Variants in CAP2 observed in about 807,000 individuals in gnomAD.
The protein encoded by CAP2 is cyclase associated actin cytoskeleton regulatory protein 2.
CAP2 carries 24 observed loss-of-function variants against 57.7 expected under a neutral mutation model. The ratio of observed to expected loss-of-function variants is 0.42; its 90% CI spans 0.30 to 0.58. The LOEUF (loss-of-function observed/expected upper bound fraction) is 0.58. Ranked by LOEUF, CAP2 falls within the 20% of genes least tolerant of loss-of-function variation. The probability of loss-of-function intolerance (pLI) is 0.22; values close to 1 mark genes in which losing one functional copy is unlikely to be tolerated. For missense variants in CAP2, 501 were observed against 590.3 expected, an observed-to-expected ratio of 0.85 and a Z score of 1.57; for synonymous variants, 194 against 207.2, an observed-to-expected ratio of 0.94 and a Z score of 0.55.
At chr6:17,475,248 G>C (rs1233744247) in intron 4 of CAP2, among the ~76,000 whole-genome samples, 1 of 152,072 alleles carries the variant, frequency 6.6e-6, no homozygotes, top group African/African-American at 2.4e-5. Flanking sequence ...GTGGTTCAGG[G>C]AAGGGAACTG....
chr6:17,498,982 G>T (rs1761734381), intron 4 of CAP2, among the ~76,000 whole-genome samples: 1 of 151,910 alleles, frequency 6.6e-6, no homozygotes, highest in African/African-American at 2.4e-5. Context: ...GCCCTCCTCG[G>T]CCTCCCAAAG....
intron 3 of CAP2, among the ~76,000 whole-genome samples, chr6:17,451,243 AT>A (rs942697303): frequency 5.6e-4 from 76 of 135,276 alleles, no homozygotes; most frequent in African/African-American, 1.7e-3. Flanking sequence ...AAAAAAAAAA[AT>A]AATAATAATA....
intron 4 of CAP2, among the ~76,000 whole-genome samples, chr6:17,469,767 G>T (rs1316814752): frequency 6.6e-6 from 1 of 152,132 alleles, no homozygotes; most frequent in Non-Finnish European, 1.5e-5. Context: ...GATGGAGAAG[G>T]AAGGTTAGTG....
chr6:17,481,188 A>C (rs1761279875), intron 4 of CAP2, among the ~76,000 whole-genome samples: 1 of 152,048 alleles, frequency 6.6e-6, no homozygotes, highest in Non-Finnish European at 1.5e-5. Flanking sequence ...TAGGCTGTTC[A>C]CATGTGCTTT....
intron 11 of CAP2, among the ~76,000 whole-genome samples, chr6:17,546,475 T>G (rs1763049946): frequency 6.6e-6 from 1 of 152,180 alleles, no homozygotes; most frequent in Admixed American, 6.5e-5. Context: ...TTGCAAAAAT[T>G]TTCTCCCGTT....
At chr6:17,436,121 C>G (rs1419941624) in intron 3 of CAP2, among the ~76,000 whole-genome samples, 1 of 148,964 alleles carries the variant, frequency 6.7e-6, no homozygotes. Flanking sequence ...TTCCTTCCTT[C>G]CCTCCTTCCT....
chr6:17,487,724 G>A (rs937385139), intron 4 of CAP2, among the ~76,000 whole-genome samples: 33 of 152,138 alleles, frequency 2.2e-4, no homozygotes, highest in African/African-American at 7.2e-4. Context: ...ACCCACCTTG[G>A]CCTCCCAAAG....
chr6:17,458,003 G>T (rs756230303), intron 3 of CAP2, among the ~76,000 whole-genome samples: 9 of 152,190 alleles, frequency 5.9e-5, no homozygotes, highest in South Asian at 2.1e-4. Flanking sequence ...CGTTGCTGGG[G>T]AAAAGTGCAC....
chr6:17,456,034 T>C (rs1760560131), intron 3 of CAP2, among the ~76,000 whole-genome samples: 1 of 152,124 alleles, frequency 6.6e-6, no homozygotes, highest in Admixed American at 6.5e-5. Context: ...CTAATGAAAA[T>C]GGAATAGAAA....
intron 4 of CAP2, among the ~76,000 whole-genome samples, chr6:17,505,472 C>T (rs914945354): frequency 5.3e-5 from 8 of 152,172 alleles, no homozygotes; most frequent in Non-Finnish European, 8.8e-5. Context: ...AGGCCACCCC[C>T]GGACCCGTTA....
intron 11 of CAP2, among the ~76,000 whole-genome samples, chr6:17,546,592 T>A (rs903916622): frequency 2.6e-5 from 4 of 152,216 alleles, no homozygotes; most frequent in African/African-American, 9.6e-5. Context: ...CCATTGCTTT[T>A]GGTGTTTTAG....
At chr6:17,496,303 C>A (rs823435) in intron 4 of CAP2, among the ~76,000 whole-genome samples, 112,516 of 151,932 alleles carry the variant, frequency 0.74, 41,823 homozygotes, top group African/African-American at 0.77. Flanking sequence ...CATCAGGTTA[C>A]GCAAAGTTAA....
chr6:17,527,286 C>T (rs1762533875), intron 7 of CAP2, among the ~76,000 whole-genome samples: 2 of 152,094 alleles, frequency 1.3e-5, no homozygotes, highest in Admixed American at 1.3e-4. Context: ...GCCACATGTC[C>T]CTCTTGGTCT....
At chr6:17,535,274 C>CTTTT (rs67286428) in intron 7 of CAP2, among the ~76,000 whole-genome samples, 2 of 138,808 alleles carry the variant, frequency 1.4e-5, no homozygotes, top group Admixed American at 7.2e-5. Context: ...TGGCTAATGA[C>CTTTT]TTTTTTTTTT....
rs187484102 is a variant in CAP2 at position 17,427,970 on chromosome 6, T to C, written c.222+1280T>C. On this transcript the variant is annotated intron_variant, in intron 3 of 12. Transcript: ENST00000229922. ...AATTTGTGGAGACAAAGTAGAATGG[T>C]GTTTGCCAGAGGCTGGAGGGAGGAG... Among the ~76,000 whole-genome samples the C allele has an allele frequency of 3.1e-3, 467 of 152,296 alleles. 4 individuals carry two copies. Among genetic ancestry groups the C allele is most frequent in the African/African-American group, 0.01 (433 of 41,540 alleles).
At chr6:17,499,710 G>A (rs1761755277) in intron 4 of CAP2, among the ~76,000 whole-genome samples, 2 of 151,988 alleles carry the variant, frequency 1.3e-5, no homozygotes, top group African/African-American at 4.8e-5. Context: ...ACTTAGCCAG[G>A]GCTGGTGGCA....
chr6:17,416,783 T>C (rs1759286334), intron 1 of CAP2, among the ~76,000 whole-genome samples: 1 of 152,212 alleles, frequency 6.6e-6, no homozygotes, highest in Non-Finnish European at 1.5e-5. Context: ...ATTATGTGCA[T>C]GTCTAGCTTT....
chr6:17,482,290 GC>G (rs1218925037), intron 4 of CAP2, among the ~76,000 whole-genome samples: 1 of 152,036 alleles, frequency 6.6e-6, no homozygotes, highest in Non-Finnish European at 1.5e-5. Context: ...ACATGATCTG[GC>G]CGAGGTGGGA....
At chr6:17,554,091 C>CTTTTA (rs770899555) in intron 12 of CAP2, among the ~76,000 whole-genome samples, 3 of 152,102 alleles carry the variant, frequency 2.0e-5, no homozygotes, top group Non-Finnish European at 4.4e-5. Flanking sequence ...TGGGCTTTGC[C>CTTTTA]TTTTATTTTA....
Sources: allele counts gnomAD v4.1 joint callset (sites outside exome capture counted in the v4.1 genomes callset), GRCh38; gene constraint gnomAD v4.1.1; transcripts MANE v1.5; gene names NCBI Gene and HGNC (gene_info 2026-07-23, HGNC 2026-07-21).